NTNG1: variants seen among roughly 807,000 people sequenced by gnomAD.
The protein encoded by NTNG1 is netrin G1, also known as netrin-G1.
Under a neutral mutation model 54.0 loss-of-function variants are expected in NTNG1, and 16 were observed. The observed-to-expected ratio is 0.30, with a 90% confidence interval of 0.20 to 0.45. The LOEUF is 0.45. Ranked by LOEUF, NTNG1 falls within the 20% of genes least tolerant of loss-of-function variation. NTNG1 has a pLI of 1.00. For missense variants in NTNG1, 530 were observed against 678.7 expected, an observed-to-expected ratio of 0.78 and a Z score of 2.43; for synonymous variants, 255 against 263.1, an observed-to-expected ratio of 0.97 and a Z score of 0.30.
chr1:107,423,365 C>A (rs1038517364), intron 5 of NTNG1, among the ~76,000 whole-genome samples: 20 of 151,948 alleles, frequency 1.3e-4, no homozygotes, highest in African/African-American at 4.6e-4. Context: ...TCATCTAGTC[C>A]GTAGAGGGCC....
chr1:107,441,548 C>T (rs746292730), intron 7 of NTNG1, among the ~76,000 whole-genome samples: 6 of 152,028 alleles, frequency 3.9e-5, no homozygotes, highest in Admixed American at 1.3e-4. Context: ...CTTTTCTGAG[C>T]GCAAGTGGGA....
intron 2 of NTNG1, among the ~76,000 whole-genome samples, chr1:107,323,236 T>C (rs1342888136): frequency 3.9e-5 from 6 of 152,072 alleles, no homozygotes; most frequent in African/African-American, 1.4e-4. Context: ...AAGAAACACC[T>C]GAATAGTCAA....
intron 3 of NTNG1, among the ~76,000 whole-genome samples, chr1:107,353,367 C>A (rs1669744586): frequency 6.6e-6 from 1 of 152,164 alleles, no homozygotes; most frequent in African/African-American, 2.4e-5. Context: ...TTCTCAAGTT[C>A]AAAGTTCCAC....
chr1:107,230,969 T>C (rs769132342), intron 2 of NTNG1, among the ~76,000 whole-genome samples: 4 of 152,106 alleles, frequency 2.6e-5, no homozygotes, highest in Admixed American at 6.6e-5. Context: ...TTACAATGAA[T>C]AAAGGAAGTA....
intron 2 of NTNG1, among the ~76,000 whole-genome samples, chr1:107,280,073 C>T (rs1470018577): frequency 2.4e-5 from 3 of 127,374 alleles, no homozygotes; most frequent in Non-Finnish European, 1.7e-5. Flanking sequence ...GTGTGTTTTA[C>T]TCTAAACCTT....
chr1:107,374,408 C>T (rs1361243914), intron 3 of NTNG1, among the ~76,000 whole-genome samples: 2 of 152,028 alleles, frequency 1.3e-5, no homozygotes, highest in Non-Finnish European at 2.9e-5. Context: ...TTCACTGAAG[C>T]TTTTTGCATT....
intron 3 of NTNG1, among the ~76,000 whole-genome samples, chr1:107,347,959 GA>G (rs1669353440): frequency 6.6e-6 from 1 of 152,098 alleles, no homozygotes; most frequent in Admixed American, 6.5e-5. Flanking sequence ...GACACGTGGT[GA>G]TCATGAGGAT....
chr1:107,209,900 T>C (rs1160895216), intron 2 of NTNG1, among the ~76,000 whole-genome samples: 2 of 152,268 alleles, frequency 1.3e-5, no homozygotes, highest in South Asian at 2.1e-4. Context: ...TCTTTTTTTT[T>C]TTTTTTTCTG....
intron 3 of NTNG1, among the ~76,000 whole-genome samples, chr1:107,333,220 G>A (rs1201210342): frequency 6.6e-6 from 1 of 151,956 alleles, no homozygotes; most frequent in Non-Finnish European, 1.5e-5. Context: ...AGGAAACATT[G>A]GCTAAGAGTC....
intron 2 of NTNG1, among the ~76,000 whole-genome samples, chr1:107,212,890 G>A (rs1311115485): frequency 6.6e-6 from 1 of 151,904 alleles, no homozygotes; most frequent in African/African-American, 2.4e-5. Flanking sequence ...CTTGATATGA[G>A]TTATGTGGGG....
At chr1:107,214,014 G>A (rs2101404147) in intron 2 of NTNG1, among the ~76,000 whole-genome samples, 1 of 151,920 alleles carries the variant, frequency 6.6e-6, no homozygotes, top group African/African-American at 2.4e-5. Flanking sequence ...CTAATTTTTA[G>A]TTTTTCTTTT....
intron 2 of NTNG1, among the ~76,000 whole-genome samples, chr1:107,194,045 A>T (rs1227501995): frequency 6.6e-6 from 1 of 151,758 alleles, no homozygotes; most frequent in Non-Finnish European, 1.5e-5. Flanking sequence ...TTCCAACTCT[A>T]CCAAACTGCT....
intron 3 of NTNG1, among the ~76,000 whole-genome samples, chr1:107,373,886 A>C (rs1450229999): frequency 1.3e-5 from 2 of 151,780 alleles, no homozygotes; most frequent in African/African-American, 2.4e-5. Context: ...ATTTTTTGTA[A>C]AGACAGGGTC....
Position 107,148,844 on chromosome 1 carries a change from G to T in NTNG1, c.246+5G>T, listed in dbSNP as rs374949482. ...CCTGAGACGTTCTGTGCAATGGTGA[G>T]GTAACCCTTTTGCATAAAATATTTC... is the stretch of plus-strand genomic sequence containing the variant. On this transcript the variant is annotated splice_donor_5th_base_variant and intron_variant, in intron 2 of 7. Coordinates refer to ENST00000370068, the MANE Select transcript of NTNG1 (RefSeq NM_001113226.3). 1.9e-6 allele frequency: 3 copies of T among 1,611,648 alleles called. No individual in the cohort carries two copies. The African/African-American group carries it at 4.0e-5, about 22-fold the overall frequency.
chr1:107,418,893 C>T (rs768939421), intron 5 of NTNG1, among the ~76,000 whole-genome samples: 11 of 152,056 alleles, frequency 7.2e-5, no homozygotes, highest in Non-Finnish European at 1.5e-4. Context: ...CAGTCAGTCC[C>T]AGGAGAAGCC....
intron 7 of NTNG1, among the ~76,000 whole-genome samples, chr1:107,472,325 C>T (rs1262650101): frequency 2.6e-5 from 4 of 152,154 alleles, no homozygotes; most frequent in African/African-American, 9.7e-5. Context: ...TAACACTTTG[C>T]CTTCAAAATG....
At chr1:107,154,101 C>T (rs1227189546) in intron 2 of NTNG1, among the ~76,000 whole-genome samples, 1 of 151,968 alleles carries the variant, frequency 6.6e-6, no homozygotes, top group Admixed American at 6.6e-5. Context: ...ATGGTCATTG[C>T]GGCCAACAGA....
At chr1:107,290,955 T>A (rs1425617763) in intron 2 of NTNG1, among the ~76,000 whole-genome samples, 1 of 126,852 alleles carries the variant, frequency 7.9e-6, no homozygotes, top group Non-Finnish European at 1.6e-5. Context: ...AAAGTGCATA[T>A]ATATATATTA....
chr1:107,429,639 TAAAC>T (rs1478884963), intron 5 of NTNG1, among the ~76,000 whole-genome samples: 2 of 152,146 alleles, frequency 1.3e-5, no homozygotes, highest in Admixed American at 1.3e-4. Flanking sequence ...GAAATATTTT[TAAAC>T]AAACAAAATT....
Sources: gnomAD v4.1 joint callset for allele counts (sites outside exome capture counted in the v4.1 genomes callset) on GRCh38, gnomAD v4.1.1 for gene constraint, MANE v1.5 for transcripts, NCBI Gene and HGNC (gene_info 2026-07-23, HGNC 2026-07-21) for gene names.